The following RIMKLB variants were observed in gnomAD, a reference collection of about 807,000 sequenced individuals.
RIMKLB encodes beta-citrylglutamate synthase B.
Under a neutral mutation model 32.0 loss-of-function variants are expected in RIMKLB, and 7 were observed. The ratio of observed to expected loss-of-function variants is 0.22; its 90% confidence interval spans 0.12 to 0.41. The LOEUF (loss-of-function observed/expected upper bound fraction) is 0.41. Among genes scored for constraint, RIMKLB ranks in the 10% least tolerant of loss-of-function variants. RIMKLB has a pLI of 1.00. For missense variants in RIMKLB, 289 were observed against 498.7 expected, an observed-to-expected ratio of 0.58 and a Z score of 4.00; for synonymous variants, 172 against 185.1, an observed-to-expected ratio of 0.93 and a Z score of 0.57.
intron 2 of RIMKLB, among the ~76,000 whole-genome samples, chr12:8,724,320 TC>T (rs1240312008): frequency 6.6e-6 from 1 of 152,214 alleles, no homozygotes; most frequent in Non-Finnish European, 1.5e-5. Flanking sequence ...TTCTTCCTGA[TC>T]TTGTTTATCT....
intron 2 of RIMKLB, among the ~76,000 whole-genome samples, chr12:8,731,311 T>A (rs749554884): frequency 6.6e-6 from 1 of 151,968 alleles, no homozygotes; most frequent in Admixed American, 6.6e-5. Context: ...TTGGCCAGGC[T>A]GGTCTCAAAC....
In RIMKLB at chr12:8,777,131, ATTTG is replaced by A. The variant is rs950963373; in HGVS notation, c.*3351_*3354del. 7 of 976,788 alleles carry A rather than the reference ATTTG, an allele frequency of 7.2e-6. No homozygotes were observed. Among genetic ancestry groups the A allele is most frequent in the Non-Finnish European group, 8.5e-6 (7 of 827,470 alleles). 60.5% of individuals were successfully genotyped at this position (976,788 alleles called of 1,614,324 possible). A position where few individuals can be genotyped will look rare whatever the true frequency, so the allele number is the denominator to read the frequency against. On this transcript the variant is annotated 3_prime_UTR_variant, in exon 6 of 6. Coordinates refer to ENST00000535829, the MANE Select transcript of RIMKLB (RefSeq NM_001297776.2). ...GTTTGTTTGTTCAATTTTATTTAAG[ATTTG>A]TTTTTGTTGTACTAGGATTTTAAAA...
chr12:8,698,715 C>CGCCGCCCCTCA (rs11275581), intron 1 of RIMKLB, among the ~76,000 whole-genome samples: 1,941 of 151,514 alleles, frequency 0.013, 40 homozygotes, highest in African/African-American at 0.045. Context: ...CCTCCCCCCC[C>CGCCGCCCCTCA]TTCCCACAAA....
At chr12:8,720,477 C>G (rs1204613748) in intron 2 of RIMKLB, among the ~76,000 whole-genome samples, 1 of 152,158 alleles carries the variant, frequency 6.6e-6, no homozygotes, top group Non-Finnish European at 1.5e-5. Flanking sequence ...GAATTAAAGA[C>G]TATAAACTAT....
Position 8,776,974 on chromosome 12 carries a change from TTG to T in RIMKLB, c.*3194_*3195del. 1.0e-6 allele frequency: 1 copy of T among 985,874 alleles called. No individual in the cohort carries two copies. Among genetic ancestry groups the T allele is most frequent in the Non-Finnish European group, 1.2e-6 (1 of 829,924 alleles). 61.1% of individuals were successfully genotyped at this position (985,874 alleles called of 1,614,324 possible). On this transcript the variant is annotated 3_prime_UTR_variant, in exon 6 of 6. Coordinates refer to ENST00000535829, the MANE Select transcript of RIMKLB (RefSeq NM_001297776.2). ...CTTAGAGACATTGTGAAATCAAATC[TTG>T]TGTTATACTTTTCTCCTGGCTCACT...
intron 2 of RIMKLB, among the ~76,000 whole-genome samples, chr12:8,724,377 T>A (rs1373564003): frequency 1.3e-5 from 2 of 152,232 alleles, no homozygotes; most frequent in Non-Finnish European, 2.9e-5. Flanking sequence ...ACTTTGTAAA[T>A]CTCCATTTCT....
At chr12:8,688,296 A>G (rs114967646) in intron 1 of RIMKLB, among the ~76,000 whole-genome samples, 1 of 152,356 alleles carries the variant, frequency 6.6e-6, no homozygotes, top group African/African-American at 2.4e-5. Context: ...CTGAAAGTTT[A>G]GTGGAAGTCT....
intron 1 of RIMKLB, among the ~76,000 whole-genome samples, chr12:8,703,809 C>CA (rs769150220): frequency 2.6e-5 from 4 of 152,198 alleles, no homozygotes; most frequent in Non-Finnish European, 5.9e-5. Flanking sequence ...TAGCACACTG[C>CA]AGAGGGATGG....
intron 2 of RIMKLB, among the ~76,000 whole-genome samples, chr12:8,746,210 C>T (rs901961830): frequency 6.6e-6 from 1 of 151,740 alleles, no homozygotes; most frequent in African/African-American, 2.4e-5. Context: ...ATATCCTTAT[C>T]TCAAAATTTT....
chr12:8,725,952 ATTCTCCTGTCTCAG>A (rs1945952528), intron 2 of RIMKLB, among the ~76,000 whole-genome samples: 1 of 152,168 alleles, frequency 6.6e-6, no homozygotes, highest in East Asian at 1.9e-4. Context: ...GGTTCAAGCG[ATTCTCCTGTCTCAG>A]CCTCCCGAAT....
At position 8,775,438 on chromosome 12, in the gene RIMKLB, G is replaced by A. The variant is rs768805988; in HGVS notation, c.*1654G>A. On this transcript the variant is annotated 3_prime_UTR_variant, in exon 6 of 6. Coordinates refer to ENST00000535829, the MANE Select transcript of RIMKLB (RefSeq NM_001297776.2). The stretch of plus-strand genomic sequence containing the variant: ...TATGTTAAGAAATGGAGATGCTGCA[G>A]AGCCCAACGTAATTTTTTAAACAGC... 2.5e-5 allele frequency: 25 copies of A among 985,610 alleles called. No homozygotes were observed. The Admixed American group carries it at 4.3e-4, about 17-fold the overall frequency. 61.1% of individuals were successfully genotyped at this position (985,610 alleles called of 1,614,324 possible). A position where few individuals can be genotyped will look rare whatever the true frequency, so the allele number is the denominator to read the frequency against.
chr12:8,698,255 C>T lies in RIMKLB; in HGVS notation c.-99C>T, dbSNP rs756154043. On this transcript the variant is annotated 5_prime_UTR_variant, in exon 1 of 6. Coordinates refer to ENST00000535829, the MANE Select transcript of RIMKLB (RefSeq NM_001297776.2). Reference sequence around the variant, plus strand: ...CCGCGCTTCCTCGAAGGCCCCAGCCCGGCTCAGTCGGCCGAGAGCGAGGGA... The same window carrying T: ...CCGCGCTTCCTCGAAGGCCCCAGCCTGGCTCAGTCGGCCGAGAGCGAGGGA... 11 of 368,694 alleles carry T rather than the reference C, an allele frequency of 3.0e-5. No individual in the cohort carries two copies. Among genetic ancestry groups the T allele is most frequent in the Admixed American group, 2.2e-4 (7 of 32,522 alleles). The allele number at this position is 368,694 out of a possible 1,614,324, so 22.8% of individuals were successfully genotyped here. A position where few individuals can be genotyped will look rare whatever the true frequency, so the allele number is the denominator to read the frequency against.
chr12:8,678,336 C>CT (rs1178690195), upstream of RIMKLB, among the ~76,000 whole-genome samples: 1,749 of 144,066 alleles, frequency 0.012, 25 homozygotes, highest in African/African-American at 0.037. Flanking sequence ...TTTTTCTTTT[C>CT]TTTTTTTTTT....
intron 2 of RIMKLB, among the ~76,000 whole-genome samples, chr12:8,723,810 T>C (rs1395340325): frequency 7.4e-6 from 1 of 135,756 alleles, no homozygotes; most frequent in African/African-American, 2.8e-5. Flanking sequence ...TTCCCTTTTT[T>C]TTTTTTTTTT....
At chr12:8,723,148 C>G (rs774132959) in intron 2 of RIMKLB, among the ~76,000 whole-genome samples, 1 of 152,172 alleles carries the variant, frequency 6.6e-6, no homozygotes, top group Non-Finnish European at 1.5e-5. Context: ...TTTAAAATAC[C>G]TTCTTCACTA....
chr12:8,730,726 A>G (rs11046949), intron 2 of RIMKLB, among the ~76,000 whole-genome samples: 29,258 of 152,118 alleles, frequency 0.19, 3,434 homozygotes, highest in Non-Finnish European at 0.27. Context: ...ACCATTTTCA[A>G]TGCAGCTCTT....
chr12:8,751,532 G>C (rs1323260139), intron 3 of RIMKLB, among the ~76,000 whole-genome samples: 2 of 152,166 alleles, frequency 1.3e-5, no homozygotes, highest in Non-Finnish European at 2.9e-5. Context: ...ATAATAAAAA[G>C]AGAATGTGTC....
At position 8,751,947 on chromosome 12, in the gene RIMKLB, C is replaced by A; in HGVS notation, c.407-10C>A. The A allele has an allele frequency of 6.3e-7, 1 of 1,596,018 alleles. No individual in the cohort carries two copies. Among genetic ancestry groups the A allele is most frequent in the South Asian group, 1.1e-5 (1 of 90,450 alleles). ...CTGTTTGTCTTAAATTTTTGTATTG[C>A]TCAAACCAGGTGGCCACGAAAATTT... On this transcript the variant is annotated splice_polypyrimidine_tract_variant and intron_variant, in intron 3 of 5. Transcript: ENST00000535829.
intron 2 of RIMKLB, among the ~76,000 whole-genome samples, chr12:8,717,120 G>T (rs1591711282): frequency 6.8e-6 from 1 of 146,048 alleles, no homozygotes; most frequent in African/African-American, 2.6e-5. Flanking sequence ...TATCTTATAA[G>T]GGAGGTGATA....
Sources: gnomAD v4.1 joint callset for allele counts (sites outside exome capture counted in the v4.1 genomes callset) on GRCh38, gnomAD v4.1.1 for gene constraint, MANE v1.5 for transcripts, NCBI Gene and HGNC (gene_info 2026-07-23, HGNC 2026-07-21) for gene names.